FOXP1: variants seen among roughly 807,000 people sequenced by gnomAD.
FOXP1 encodes the protein forkhead box P1.
Under a neutral mutation model 98.2 loss-of-function variants are expected in FOXP1, and 15 were observed. The ratio of observed to expected loss-of-function variants is 0.15; its 90% confidence interval spans 0.10 to 0.24. The LOEUF (loss-of-function observed/expected upper bound fraction) is 0.24, where lower values mean the gene tolerates loss of function less well. Ranked by LOEUF, FOXP1 falls within the 10% of genes least tolerant of loss-of-function variation. The pLI, the probability that FOXP1 is intolerant of heterozygous loss-of-function variation, is 1.00. For synonymous variants in FOXP1, 371 were observed against 314.5 expected, an observed-to-expected ratio of 1.18 and a Z score of -1.90; for missense variants, 633 against 848.5, an observed-to-expected ratio of 0.75 and a Z score of 3.15.
At chr3:71,034,581 G>T (rs541894867) in intron 11 of FOXP1, among the ~76,000 whole-genome samples, 47 of 152,314 alleles carry the variant, frequency 3.1e-4, no homozygotes, top group Non-Finnish European at 6.0e-4. Context: ...AGGAAAATCA[G>T]TATAGTATCA....
chr3:71,510,472 G>A (rs956717115), intron 2 of FOXP1, among the ~76,000 whole-genome samples: 1 of 151,874 alleles, frequency 6.6e-6, no homozygotes, highest in Non-Finnish European at 1.5e-5. Context: ...GTGAGACTCT[G>A]TCTCTAAAAA....
intron 3 of FOXP1, among the ~76,000 whole-genome samples, chr3:71,467,888 G>A (rs13075282): frequency 0.35 from 53,685 of 152,018 alleles, 9,934 homozygotes; most frequent in Non-Finnish European, 0.38. Flanking sequence ...TACAGGGACC[G>A]TGCTTTGTGA....
At chr3:71,383,290 A>G (rs2080315215) in intron 3 of FOXP1, among the ~76,000 whole-genome samples, 1 of 152,250 alleles carries the variant, frequency 6.6e-6, no homozygotes, top group Non-Finnish European at 1.5e-5. Flanking sequence ...AGAATTCATT[A>G]TCAGAGAAGA....
At chr3:71,008,340 T>G (rs992704299) in intron 12 of FOXP1, among the ~76,000 whole-genome samples, 4 of 152,102 alleles carry the variant, frequency 2.6e-5, no homozygotes, top group Non-Finnish European at 5.9e-5. Context: ...TAGTGAAGAT[T>G]GTGTCTTTCA....
chr3:70,960,634 G>C (rs2106890022), intron 20 of FOXP1, among the ~76,000 whole-genome samples: 1 of 152,250 alleles, frequency 6.6e-6, no homozygotes, highest in South Asian at 2.1e-4. Flanking sequence ...TCAAGTATTA[G>C]TAATAAGAGG....
chr3:71,092,768 G>T (rs1403808505), intron 7 of FOXP1, among the ~76,000 whole-genome samples: 1 of 151,988 alleles, frequency 6.6e-6, no homozygotes, highest in Non-Finnish European at 1.5e-5. Context: ...AGCTCCCACA[G>T]AGAAAATGGA....
At chr3:71,245,704 G>A (rs2067685800) in intron 5 of FOXP1, among the ~76,000 whole-genome samples, 1 of 151,910 alleles carries the variant, frequency 6.6e-6, no homozygotes, top group Non-Finnish European at 1.5e-5. Flanking sequence ...TGAGTGAAGA[G>A]TCTTAACCAT....
chr3:71,545,956 G>A (rs1173762148), intron 2 of FOXP1, among the ~76,000 whole-genome samples: 1 of 152,108 alleles, frequency 6.6e-6, no homozygotes, highest in Non-Finnish European at 1.5e-5. Context: ...CATATATCCT[G>A]GCAAAAGTCC....
intron 20 of FOXP1, among the ~76,000 whole-genome samples, chr3:70,960,270 T>G (rs2033028880): frequency 6.6e-6 from 1 of 152,034 alleles, no homozygotes; most frequent in Admixed American, 6.5e-5. Flanking sequence ...CACAACAATA[T>G]GATAAGAAAG....
chr3:71,403,475 G>A (rs1474240817), intron 3 of FOXP1, among the ~76,000 whole-genome samples: 1 of 152,254 alleles, frequency 6.6e-6, no homozygotes, highest in Non-Finnish European at 1.5e-5. Context: ...ACTGATGTGA[G>A]AGGTGTGTGA....
Position 71,181,213 on chromosome 3 carries a change from A to G in FOXP1, c.180+16989T>C, listed in dbSNP as rs1366923826. Among the ~76,000 whole-genome samples the G allele has an allele frequency of 4.6e-5, 7 of 152,210 alleles. No individual in the cohort carries two copies. The East Asian group carries it at 1.3e-3, about 29-fold the overall frequency. ...ATATAAAGCGGATGAGGTGGGCTAAAAAATGGAACGGTTCTAAGAACAACT... is the reference window on the plus strand; with the variant it reads ...ATATAAAGCGGATGAGGTGGGCTAAGAAATGGAACGGTTCTAAGAACAACT... On this transcript the variant is annotated intron_variant, in intron 6 of 20. Transcript: ENST00000649528.
intron 7 of FOXP1, among the ~76,000 whole-genome samples, chr3:71,112,236 T>A (rs1248641739): frequency 6.6e-6 from 1 of 152,188 alleles, no homozygotes; most frequent in Admixed American, 6.5e-5. Context: ...GTGGTGACAA[T>A]TCTGAGTACT....
At chr3:71,106,114 C>T (rs1452580505) in intron 7 of FOXP1, among the ~76,000 whole-genome samples, 1 of 152,132 alleles carries the variant, frequency 6.6e-6, no homozygotes, top group Admixed American at 6.5e-5. Context: ...CTCTCTGTTT[C>T]CATCTTCCTC....
chr3:71,146,549 G>A (rs1407944730), intron 6 of FOXP1, among the ~76,000 whole-genome samples: 3 of 152,150 alleles, frequency 2.0e-5, no homozygotes, highest in Admixed American at 1.3e-4. Flanking sequence ...AACAAAAAAT[G>A]TTTGTGGACC....
intron 6 of FOXP1, among the ~76,000 whole-genome samples, chr3:71,156,513 G>C (rs544469548): frequency 6.6e-6 from 1 of 152,174 alleles, no homozygotes; most frequent in Non-Finnish European, 1.5e-5. Context: ...TGGGAGGGGG[G>C]GAAAAGAGTG....
chr3:71,581,994 G>A, intron 1 of FOXP1: 10 of 959,772 alleles, frequency 1.0e-5, no homozygotes, highest in Non-Finnish European at 1.2e-5. Context: ...GGGTGGGATG[G>A]GGATACGATC....
chr3:71,330,496 G>A (rs1362429853), intron 4 of FOXP1, among the ~76,000 whole-genome samples: 1 of 152,174 alleles, frequency 6.6e-6, no homozygotes, highest in Non-Finnish European at 1.5e-5. Context: ...ATAAAGAAGT[G>A]GAAGTCAGCG....
In FOXP1 at chr3:71,046,749, T is replaced by C. The variant is rs144060092; in HGVS notation, c.664+193A>G. Among the ~76,000 whole-genome samples the C allele has an allele frequency of 3.2e-4, 49 of 152,338 alleles. 1 individual carries two copies. The highest frequency in any genetic ancestry group is 3.3e-4 in the Admixed American group (5 of 15,306). On this transcript the variant is annotated intron_variant, in intron 10 of 20. Transcript: ENST00000649528. ...TTACAGCTAAGCCTTCAGACCACCC[T>C]GAGACTTCATTTTGGCATCAACAAG...
chr3:71,413,729 T>C (rs1650703245), intron 3 of FOXP1, among the ~76,000 whole-genome samples: 1 of 152,170 alleles, frequency 6.6e-6, no homozygotes, highest in Non-Finnish European at 1.5e-5. Flanking sequence ...AAACAGCATG[T>C]ACGGTATGAC....
Sources: gnomAD v4.1 joint callset for allele counts (sites outside exome capture counted in the v4.1 genomes callset) on GRCh38, gnomAD v4.1.1 for gene constraint, MANE v1.5 for transcripts, NCBI Gene and HGNC (gene_info 2026-07-23, HGNC 2026-07-21) for gene names.